Variants in RANBP2 observed in about 807,000 individuals in gnomAD.
RANBP2 encodes RAN binding protein 2.
A neutral mutation model predicts 303.6 loss-of-function variants in RANBP2; 57 were observed. The observed-to-expected ratio is 0.19, with a 90% CI of 0.15 to 0.23. The LOEUF is 0.23. Among genes scored for constraint, RANBP2 ranks in the 10% least tolerant of loss-of-function variants. The pLI is 1.00. For missense variants in RANBP2, 3,138 were observed against 3,780.8 expected, an observed-to-expected ratio of 0.83 and a Z score of 4.46; for synonymous variants, 1,167 against 1,301.5, an observed-to-expected ratio of 0.90 and a Z score of 2.23.
At chr2:109,710,381 C>CAAAA in the RANBP2 span, among the ~76,000 whole-genome samples, 2,044 of 144,634 alleles carry the variant, frequency 0.014, 28 homozygotes, top group South Asian at 0.053. Flanking sequence ...GATTCTATCT[C>CAAAA]AAAAAAAAAA....
the RANBP2 span, chr2:109,593,069 T>A: frequency 1.3e-5 from 21 of 1,599,720 alleles, no homozygotes; most frequent in African/African-American, 2.8e-4. Context: ...CATCATCTGA[T>A]CCTTGTGAAG....
At chr2:109,420,696 T>C in the RANBP2 span, among the ~76,000 whole-genome samples, 2 of 152,132 alleles carry the variant, frequency 1.3e-5, no homozygotes, top group Admixed American at 6.5e-5. Context: ...CCGCCCGCCT[T>C]GGCCTCCCTA....
At chr2:109,647,689 C>T in the RANBP2 span, among the ~76,000 whole-genome samples, 3 of 151,688 alleles carry the variant, frequency 2.0e-5, no homozygotes, top group Non-Finnish European at 4.4e-5. Flanking sequence ...AGGCTGGTCT[C>T]GAACTTCTGA....
the RANBP2 span, among the ~76,000 whole-genome samples, chr2:108,994,487 C>G: frequency 6.6e-6 from 1 of 152,184 alleles, no homozygotes; most frequent in Non-Finnish European, 1.5e-5. Context: ...TTTAGCTCAA[C>G]AGTACACATC....
At chr2:109,167,368 C>G in the RANBP2 span, among the ~76,000 whole-genome samples, 1 of 152,164 alleles carries the variant, frequency 6.6e-6, no homozygotes, top group Non-Finnish European at 1.5e-5. Flanking sequence ...TTAGCTCTCT[C>G]TGATGCCTGG....
At chr2:109,047,701 T>C in the RANBP2 span, among the ~76,000 whole-genome samples, 2 of 152,170 alleles carry the variant, frequency 1.3e-5, no homozygotes, top group Admixed American at 1.3e-4. Context: ...TCCCAGCTAC[T>C]TGGGAGCCTG....
At chr2:109,361,535 G>A in the RANBP2 span, among the ~76,000 whole-genome samples, 14 of 152,088 alleles carry the variant, frequency 9.2e-5, no homozygotes, top group Middle Eastern at 3.4e-3. Flanking sequence ...GTGCAGTGGC[G>A]CGATCTTGGC....
the RANBP2 span, among the ~76,000 whole-genome samples, chr2:109,452,786 T>TC: frequency 7.4e-5 from 11 of 149,156 alleles, no homozygotes; most frequent in Non-Finnish European, 1.2e-4. Context: ...AGGAGGCTGG[T>TC]CCCTGGGAGG....
At chr2:109,550,805 G>A in the RANBP2 span, among the ~76,000 whole-genome samples, 2 of 152,024 alleles carry the variant, frequency 1.3e-5, no homozygotes, top group African/African-American at 2.4e-5. Flanking sequence ...CCCCTTCTTC[G>A]TACCCTGTAT....
chr2:109,614,400 C>T, the RANBP2 span: 5 of 1,016,966 alleles, frequency 4.9e-6, no homozygotes, highest in African/African-American at 1.7e-5. Flanking sequence ...GCCCGCCAGA[C>T]TCCGCCGCCG....
the RANBP2 span, among the ~76,000 whole-genome samples, chr2:108,935,209 CAATTCCCATCTAGA>C: frequency 6.6e-6 from 1 of 152,190 alleles, no homozygotes; most frequent in Non-Finnish European, 1.5e-5. Flanking sequence ...CTTCCTTCCT[CAATTCCCATCTAGA>C]ATGATGACAC....
chr2:109,246,695 G>A, the RANBP2 span, among the ~76,000 whole-genome samples: 9 of 152,134 alleles, frequency 5.9e-5, no homozygotes, highest in Non-Finnish European at 1.2e-4. Flanking sequence ...GCCCTGGCTC[G>A]TCCTAAGGCT....
chr2:109,675,941 T>C, the RANBP2 span, among the ~76,000 whole-genome samples: 4 of 152,180 alleles, frequency 2.6e-5, no homozygotes, highest in Non-Finnish European at 5.9e-5. Context: ...TTGGTTCCTG[T>C]AAGAACAGAG....
At chr2:108,773,662 G>C (rs200376464) in intron 23 of RANBP2, among the ~76,000 whole-genome samples, 36 of 149,186 alleles carry the variant, frequency 2.4e-4, no homozygotes, top group Admixed American at 1.5e-3. Context: ...TTTTTTTTTG[G>C]GGGGGGATGG....
At chr2:109,205,472 A>T in the RANBP2 span, among the ~76,000 whole-genome samples, 1 of 151,834 alleles carries the variant, frequency 6.6e-6, no homozygotes, top group East Asian at 1.9e-4. Flanking sequence ...CTGGTCTTGA[A>T]CTCCTGACCT....
At chr2:108,758,365 G>GAT (rs1175412211) in intron 17 of RANBP2, 48 bp from the exon 18 acceptor site, 1 of 1,608,110 alleles carries the variant, frequency 6.2e-7, no homozygotes, top group Non-Finnish European at 8.5e-7. Flanking sequence ...TTTCTGTCAT[G>GAT]ATATAATTAA....
the RANBP2 span, among the ~76,000 whole-genome samples, chr2:109,408,065 G>A: frequency 4.6e-4 from 70 of 152,260 alleles, no homozygotes; most frequent in African/African-American, 1.6e-3. Context: ...GAGAGCATCC[G>A]GGAGCTCTGG....
chr2:109,034,270 C>CAAAAAAA, the RANBP2 span, among the ~76,000 whole-genome samples: 16 of 38,102 alleles, frequency 4.2e-4, 2 homozygotes, highest in Non-Finnish European at 5.0e-4. Context: ...GACTCCATCT[C>CAAAAAAA]AAAAAAAAAA....
the RANBP2 span, among the ~76,000 whole-genome samples, chr2:109,174,188 A>T: frequency 6.6e-6 from 1 of 152,262 alleles, no homozygotes; most frequent in African/African-American, 2.4e-5. Flanking sequence ...GAAGGTAGCC[A>T]TGGATGTCCC....
Sources: allele counts gnomAD v4.1 joint callset (sites outside exome capture counted in the v4.1 genomes callset), GRCh38; gene constraint gnomAD v4.1.1; transcripts MANE v1.5; gene names NCBI Gene and HGNC (gene_info 2026-07-23, HGNC 2026-07-21).